The following PARVA variants were observed in gnomAD, a reference collection of about 807,000 sequenced individuals.
PARVA encodes the protein alpha-parvin.
PARVA carries 25 observed loss-of-function variants against 52.6 expected under a neutral mutation model. The observed-to-expected ratio is 0.48, with a 90% CI of 0.35 to 0.66. The LOEUF (loss-of-function observed/expected upper bound fraction) is 0.66. PARVA is among the 30% of genes least tolerant of loss of function. PARVA has a pLI of 0.01. For missense variants in PARVA, 373 were observed against 450.9 expected, an observed-to-expected ratio of 0.83 and a Z score of 1.56; for synonymous variants, 185 against 179.1, an observed-to-expected ratio of 1.03 and a Z score of -0.26.
At chr11:12,501,650 T>C (rs1941364611) in intron 5 of PARVA, among the ~76,000 whole-genome samples, 1 of 152,268 alleles carries the variant, frequency 6.6e-6, no homozygotes, top group Admixed American at 6.5e-5. Context: ...ATCCTCTTGT[T>C]ATTGGACATA....
Position 12,449,120 on chromosome 11 carries a change from AG to A in PARVA, c.137-24621del, listed in dbSNP as rs1406087700. Among the ~76,000 whole-genome samples the A allele has an allele frequency of 5.2e-4, 79 of 151,854 alleles. 1 individual carries two copies. The highest frequency in any genetic ancestry group is 6.8e-3 in the Middle Eastern group (2 of 294). Reference sequence around the variant, plus strand: ...TAAAAAGATTTTTATGTTTACCAAAAGGGGCATTTATTTATTTATTTATTTA... The same window carrying A: ...TAAAAAGATTTTTATGTTTACCAAAAGGGCATTTATTTATTTATTTATTTA... On this transcript the variant is annotated intron_variant, in intron 1 of 12. Coordinates refer to ENST00000334956, the MANE Select transcript of PARVA (RefSeq NM_018222.5).
intron 11 of PARVA, among the ~76,000 whole-genome samples, chr11:12,518,133 T>G (rs1325477754): frequency 6.6e-6 from 1 of 152,216 alleles, no homozygotes; most frequent in East Asian, 1.9e-4. Flanking sequence ...CTGTTGAACA[T>G]GTCCTGCCAT....
rs568692862 is a variant in PARVA, at chr11:12,496,422, C to T, written c.401-36C>T. 4 of 1,590,810 alleles carry T rather than the reference C, an allele frequency of 2.5e-6. No homozygotes were observed. The Middle Eastern group carries it at 5.0e-4, about 199-fold the overall frequency. On this transcript the variant is annotated intron_variant, in intron 4 of 12. Transcript: ENST00000334956. Reference sequence around the variant, plus strand: ...TGCAGTAGGGTTGTCTGGGGCCCAGCATAACAGCTGTTCTCTTTTCCCTTG... The same window carrying T: ...TGCAGTAGGGTTGTCTGGGGCCCAGTATAACAGCTGTTCTCTTTTCCCTTG...
chr11:12,506,934 A>G (rs991486871), intron 6 of PARVA, among the ~76,000 whole-genome samples: 2 of 152,218 alleles, frequency 1.3e-5, no homozygotes, highest in African/African-American at 4.8e-5. Flanking sequence ...TTTTACGTCT[A>G]TGAATGGCCA....
chr11:12,424,023 TTTTG>T lies in PARVA; in HGVS notation c.136+46244_136+46247del, dbSNP rs1354233832. On this transcript the variant is annotated intron_variant, in intron 1 of 12. Transcript: ENST00000334956. Reference sequence around the variant, plus strand: ...ATAATTGTTATTATGTTAATCTATTTTTTGTTTTATGGATTAATGTTACTGGTAT... The same window carrying T: ...ATAATTGTTATTATGTTAATCTATTTTTTTATGGATTAATGTTACTGGTAT... Among the ~76,000 whole-genome samples, 4 of 152,332 alleles carry T rather than the reference TTTTG, an allele frequency of 2.6e-5. No individual in the cohort carries two copies. In the East Asian group the frequency reaches 7.7e-4, roughly 29 times the overall value.
rs573939028 is a variant in PARVA, at chr11:12,522,060, A to G, written c.1042+3543A>G. On this transcript the variant is annotated intron_variant, in intron 12 of 12. Transcript: ENST00000334956. Reference sequence around the variant, plus strand: ...GCCACCAAATGTGTGCTAATTTACTACAGCAGTAATAGGAAGTTAGCACAC... The same window carrying G: ...GCCACCAAATGTGTGCTAATTTACTGCAGCAGTAATAGGAAGTTAGCACAC... Among the ~76,000 whole-genome samples, 128 of 152,332 alleles carry G rather than the reference A, an allele frequency of 8.4e-4. 1 individual carries two copies. Among genetic ancestry groups the G allele is most frequent in the African/African-American group, 2.9e-3 (122 of 41,580 alleles).
At chr11:12,405,731 T>G (rs1589945135) in intron 1 of PARVA, among the ~76,000 whole-genome samples, 1 of 152,072 alleles carries the variant, frequency 6.6e-6, no homozygotes, top group Non-Finnish European at 1.5e-5. Flanking sequence ...TTGAGGTGGG[T>G]GGATCACTTA....
At chr11:12,394,828 A>G (rs1193759911) in intron 1 of PARVA, among the ~76,000 whole-genome samples, 2 of 152,218 alleles carry the variant, frequency 1.3e-5, no homozygotes, top group Non-Finnish European at 2.9e-5. Context: ...GTGGTGGCTC[A>G]AGCCTGTAAT....
At chr11:12,510,367 C>G (rs1171095246) in intron 7 of PARVA, among the ~76,000 whole-genome samples, 1 of 152,186 alleles carries the variant, frequency 6.6e-6, no homozygotes, top group Non-Finnish European at 1.5e-5. Flanking sequence ...TGAGCATTTA[C>G]TACATACTAG....
At chr11:12,432,141 T>C (rs1163450569) in intron 1 of PARVA, among the ~76,000 whole-genome samples, 1 of 152,244 alleles carries the variant, frequency 6.6e-6, no homozygotes, top group Non-Finnish European at 1.5e-5. Context: ...GGTTGGGAAA[T>C]TACTACTATA....
At chr11:12,437,005 A>G (rs1296379695) in intron 1 of PARVA, among the ~76,000 whole-genome samples, 1 of 152,212 alleles carries the variant, frequency 6.6e-6, no homozygotes, top group African/African-American at 2.4e-5. Flanking sequence ...TGCCCAGTTC[A>G]ATGTGGTATC....
chr11:12,391,279 G>A (rs1484451238), intron 1 of PARVA, among the ~76,000 whole-genome samples: 11 of 152,138 alleles, frequency 7.2e-5, no homozygotes, highest in Non-Finnish European at 1.3e-4. Flanking sequence ...ATCAAAGTTC[G>A]GAATTGCTTA....
chr11:12,415,056 T>C (rs756100807), intron 1 of PARVA, among the ~76,000 whole-genome samples: 4 of 152,198 alleles, frequency 2.6e-5, no homozygotes, highest in Non-Finnish European at 4.4e-5. Flanking sequence ...TAACCCCTTG[T>C]TTTCCATCCC....
At chr11:12,439,342 T>A (rs1397309024) in intron 1 of PARVA, among the ~76,000 whole-genome samples, 1 of 152,216 alleles carries the variant, frequency 6.6e-6, no homozygotes, top group African/African-American at 2.4e-5. Flanking sequence ...TAGACTTTGG[T>A]ATAGACACTG....
At chr11:12,480,454 C>T (rs527283402) in intron 4 of PARVA, 2 of 152,248 alleles carry the variant, frequency 1.3e-5, no homozygotes, top group South Asian at 2.1e-4. Flanking sequence ...TTAACTCCTC[C>T]AGCAGACATC....
intron 1 of PARVA, among the ~76,000 whole-genome samples, chr11:12,451,302 C>T (rs1287693782): frequency 1.3e-5 from 2 of 152,164 alleles, no homozygotes; most frequent in Non-Finnish European, 2.9e-5. Context: ...CAGCTAAAAG[C>T]TCATGAGTAT....
chr11:12,440,592 G>A (rs72862217), intron 1 of PARVA, among the ~76,000 whole-genome samples: 5,222 of 152,344 alleles, frequency 0.034, 144 homozygotes, highest in Middle Eastern at 0.099. Flanking sequence ...CAAAGCTGAC[G>A]TCAAGTTGTT....
chr11:12,383,640 C>T (rs965595265), intron 1 of PARVA, among the ~76,000 whole-genome samples: 4 of 152,098 alleles, frequency 2.6e-5, no homozygotes, highest in African/African-American at 9.7e-5. Flanking sequence ...TCTAATCAGC[C>T]GGTGCATTCT....
At chr11:12,457,640 G>A (rs1269844437) in intron 1 of PARVA, among the ~76,000 whole-genome samples, 1 of 152,196 alleles carries the variant, frequency 6.6e-6, no homozygotes, top group Non-Finnish European at 1.5e-5. Flanking sequence ...GCTGGAAGGG[G>A]AAGACTGCTC....
Sources: gnomAD v4.1 joint callset for allele counts (sites outside exome capture counted in the v4.1 genomes callset) on GRCh38, gnomAD v4.1.1 for gene constraint, MANE v1.5 for transcripts, NCBI Gene and HGNC (gene_info 2026-07-23, HGNC 2026-07-21) for gene names.